Variants in PRMT3 observed in about 807,000 individuals in gnomAD.
PRMT3 encodes protein arginine N-methyltransferase 3.
A neutral mutation model predicts 71.9 loss-of-function variants in PRMT3; 62 were observed. The observed-to-expected ratio is 0.86, with a 90% CI of 0.70 to 1.07. The LOEUF (loss-of-function observed/expected upper bound fraction) is 1.07. Among genes scored for constraint, PRMT3 ranks in the 50% least tolerant of loss-of-function variants. The pLI is 0.00. For missense variants in PRMT3, 663 were observed against 643.0 expected, an observed-to-expected ratio of 1.03 and a Z score of -0.34; for synonymous variants, 213 against 220.4, an observed-to-expected ratio of 0.97 and a Z score of 0.30.
chr11:20,397,083 AAT>A (rs1848843022), intron 6 of PRMT3, among the ~76,000 whole-genome samples: 1 of 152,098 alleles, frequency 6.6e-6, no homozygotes, highest in African/African-American at 2.4e-5. Context: ...ATGGATTCCT[AAT>A]ATGTCATGAT....
intron 13 of PRMT3, among the ~76,000 whole-genome samples, chr11:20,477,199 C>T (rs1285111327): frequency 6.6e-6 from 1 of 152,106 alleles, no homozygotes; most frequent in Non-Finnish European, 1.5e-5. Context: ...GCAGGTCTTT[C>T]AGTGTGTGCA....
At chr11:20,406,421 T>C (rs751418492) in intron 8 of PRMT3, 4 of 152,246 alleles carry the variant, frequency 2.6e-5, no homozygotes, top group Non-Finnish European at 4.4e-5. Flanking sequence ...AACCGGCTTA[T>C]TGCACTTAGC....
chr11:20,503,924 GCTAT>G (rs1421562237), intron 15 of PRMT3, among the ~76,000 whole-genome samples: 2 of 152,106 alleles, frequency 1.3e-5, no homozygotes, highest in East Asian at 1.9e-4. Flanking sequence ...AAATGACTAT[GCTAT>G]CTAACATCCC....
intron 13 of PRMT3, among the ~76,000 whole-genome samples, chr11:20,486,799 G>C (rs2133443200): frequency 6.6e-6 from 1 of 152,282 alleles, no homozygotes; most frequent in Admixed American, 6.5e-5. Context: ...GCTCATGCCT[G>C]TAATCCCAGC....
intron 10 of PRMT3, among the ~76,000 whole-genome samples, chr11:20,428,181 T>C (rs1363607138): frequency 6.6e-6 from 1 of 152,204 alleles, no homozygotes; most frequent in Non-Finnish European, 1.5e-5. Flanking sequence ...CTCTGATTTC[T>C]CATGAATTGA....
chr11:20,420,423 A>G (rs1312063049), intron 9 of PRMT3, among the ~76,000 whole-genome samples: 2 of 152,208 alleles, frequency 1.3e-5, no homozygotes, highest in Non-Finnish European at 2.9e-5. Flanking sequence ...GCGGATGAGT[A>G]TCTGTGGGTG....
chr11:20,392,575 A>C (rs1848737907), intron 4 of PRMT3, among the ~76,000 whole-genome samples: 1 of 152,038 alleles, frequency 6.6e-6, no homozygotes, highest in South Asian at 2.1e-4. Flanking sequence ...ATGTGATTTT[A>C]AGTATTTTGG....
intron 10 of PRMT3, among the ~76,000 whole-genome samples, chr11:20,443,333 C>T (rs917110763): frequency 6.6e-6 from 1 of 152,134 alleles, no homozygotes; most frequent in Non-Finnish European, 1.5e-5. Flanking sequence ...TGTAAATTCA[C>T]ATTTGCTCTG....
chr11:20,504,741 A>AGC (rs1851547437), intron 15 of PRMT3, among the ~76,000 whole-genome samples: 1 of 137,630 alleles, frequency 7.3e-6, no homozygotes, highest in Non-Finnish European at 1.7e-5. Context: ...AGAGAGAGAG[A>AGC]GAGAGCGAGA....
Position 20,493,896 on chromosome 11 carries a change from A to G in PRMT3, c.1348-23A>G, listed in dbSNP as rs1000230690. On this transcript the variant is annotated intron_variant, in intron 13 of 15. Transcript: ENST00000331079. ...TATGTAATTCATTTAGTAAGCATTT[A>G]TATTTCTTTTTTTAAAAAACAGGCA... 14 of 1,484,794 alleles carry G rather than the reference A, an allele frequency of 9.4e-6. No individual in the cohort carries two copies. In the East Asian group the frequency reaches 1.1e-4, roughly 12 times the overall value. The allele number at this position is 1,484,794 out of a possible 1,614,324, so 92.0% of individuals were successfully genotyped here.
intron 15 of PRMT3, among the ~76,000 whole-genome samples, chr11:20,494,782 A>G (rs532589722): frequency 3.3e-5 from 5 of 152,338 alleles, no homozygotes; most frequent in Non-Finnish European, 7.3e-5. Context: ...AAATAAGACT[A>G]CCTGGCTCTT....
At chr11:20,482,291 T>G (rs922943722) in intron 13 of PRMT3, among the ~76,000 whole-genome samples, 1 of 146,076 alleles carries the variant, frequency 6.8e-6, no homozygotes, top group Non-Finnish European at 1.5e-5. Context: ...TATAAAAGGA[T>G]TTGAACATCA....
intron 13 of PRMT3, among the ~76,000 whole-genome samples, chr11:20,469,376 G>A (rs568377085): frequency 1.3e-5 from 2 of 152,260 alleles, no homozygotes; most frequent in African/African-American, 2.4e-5. Context: ...TTTCATCTGT[G>A]TGTCTATAAG....
chr11:20,421,935 T>A (rs1849434895), intron 9 of PRMT3, among the ~76,000 whole-genome samples: 1 of 152,214 alleles, frequency 6.6e-6, no homozygotes, highest in Admixed American at 6.5e-5. Context: ...TCTATTGTTA[T>A]CATAAAGCCT....
At chr11:20,408,157 TC>T in intron 9 of PRMT3, 125 bp downstream of exon 9, 2 of 582,274 alleles carry the variant, frequency 3.4e-6, no homozygotes, top group Non-Finnish European at 5.3e-6. Flanking sequence ...AAAAATTCAC[TC>T]CAGAATAATA....
intron 15 of PRMT3, among the ~76,000 whole-genome samples, chr11:20,498,488 A>G (rs746332661): frequency 3.3e-5 from 5 of 152,154 alleles, no homozygotes; most frequent in Admixed American, 6.5e-5. Context: ...TAGCACTTTG[A>G]GAGGCCGAGG....
chr11:20,397,553 G>A (rs775498992), intron 6 of PRMT3, 24 bp from the exon 7 acceptor site: 14 of 1,612,868 alleles, frequency 8.7e-6, no homozygotes, highest in Non-Finnish European at 1.2e-5. Context: ...CCTGTCTCAA[G>A]GGTGTATTTC....
At chr11:20,399,965 G>A in intron 7 of PRMT3, among the ~76,000 whole-genome samples, 1 of 152,164 alleles carries the variant, frequency 6.6e-6, no homozygotes, top group East Asian at 1.9e-4. Flanking sequence ...CCTTGGAAAT[G>A]ATTTGATTAA....
chr11:20,424,264 A>G (rs1413771863), intron 9 of PRMT3, among the ~76,000 whole-genome samples: 1 of 24,876 alleles, frequency 4.0e-5, no homozygotes, highest in Non-Finnish European at 1.2e-3. Context: ...ATAAACTTTA[A>G]GGAGGTACTA....
Sources: gnomAD v4.1 joint callset for allele counts (sites outside exome capture counted in the v4.1 genomes callset) on GRCh38, gnomAD v4.1.1 for gene constraint, MANE v1.5 for transcripts, NCBI Gene and HGNC (gene_info 2026-07-23, HGNC 2026-07-21) for gene names.